PTPRR: variants seen among roughly 807,000 people sequenced by gnomAD.
The protein encoded by PTPRR is protein tyrosine phosphatase receptor type R.
A neutral mutation model predicts 77.2 loss-of-function variants in PTPRR; 38 were observed. That is an observed-to-expected ratio of 0.49 (90% CI 0.38 to 0.65). The LOEUF is 0.65. PTPRR is among the 30% of genes least tolerant of loss of function. The pLI is 0.00. For missense variants in PTPRR, 744 were observed against 799.2 expected (o/e 0.93, Z 0.83); for synonymous variants, 299 against 283.1 (o/e 1.06, Z -0.57).
At chr12:70,800,416 A>G (rs1022011132) in intron 2 of PTPRR, among the ~76,000 whole-genome samples, 1 of 152,184 alleles carries the variant, frequency 6.6e-6, no homozygotes, top group Admixed American at 6.5e-5. Context: ...TAAGAGGAGC[A>G]ATAAGCAGAA....
intron 2 of PTPRR, among the ~76,000 whole-genome samples, chr12:70,824,950 CA>C (rs1892083290): frequency 6.6e-6 from 1 of 152,160 alleles, no homozygotes; most frequent in South Asian, 2.1e-4. Flanking sequence ...GCTAGGTAGG[CA>C]ATATCGTTGC....
chr12:70,752,301 T>C (rs901670684), intron 5 of PTPRR, among the ~76,000 whole-genome samples: 3 of 152,154 alleles, frequency 2.0e-5, no homozygotes, highest in African/African-American at 7.2e-5. Context: ...CAATCACCTA[T>C]ACTTCTGAAA....
chr12:70,913,098 G>A (rs1306005872), intron 1 of PTPRR, among the ~76,000 whole-genome samples: 1 of 152,038 alleles, frequency 6.6e-6, no homozygotes, highest in Non-Finnish European at 1.5e-5. Flanking sequence ...AATACTAATG[G>A]CAATGAATGG....
chr12:70,670,250 G>T (rs1397860820), intron 10 of PTPRR, among the ~76,000 whole-genome samples: 1 of 152,158 alleles, frequency 6.6e-6, no homozygotes, highest in Non-Finnish European at 1.5e-5. Flanking sequence ...TGAAAGATAG[G>T]TTCAGGGTCT....
intron 7 of PTPRR, among the ~76,000 whole-genome samples, chr12:70,699,116 A>G (rs893550634): frequency 6.6e-6 from 1 of 152,236 alleles, no homozygotes; most frequent in African/African-American, 2.4e-5. Context: ...CAAAGTTTTC[A>G]AAAGGGTCCA....
intron 2 of PTPRR, among the ~76,000 whole-genome samples, chr12:70,766,754 C>T (rs1156684298): frequency 2.0e-5 from 3 of 151,958 alleles, no homozygotes; most frequent in Admixed American, 6.6e-5. Context: ...ATGTTAAGGG[C>T]AGCCAGAGAG....
At chr12:70,830,145 C>T (rs1892186599) in intron 2 of PTPRR, among the ~76,000 whole-genome samples, 1 of 152,086 alleles carries the variant, frequency 6.6e-6, no homozygotes, top group Non-Finnish European at 1.5e-5. Context: ...AGTATTAGGG[C>T]CTGGGGTAGA....
At chr12:70,879,010 C>A (rs1246153593) in intron 2 of PTPRR, among the ~76,000 whole-genome samples, 1 of 152,024 alleles carries the variant, frequency 6.6e-6, no homozygotes, top group East Asian at 1.9e-4. Flanking sequence ...GAACAAAAAA[C>A]CAAACACCAC....
chr12:70,742,340 T>G (rs1277708267), intron 6 of PTPRR, among the ~76,000 whole-genome samples: 1 of 152,186 alleles, frequency 6.6e-6, no homozygotes, highest in Non-Finnish European at 1.5e-5. Context: ...ATTTCTTGTT[T>G]TTTTGATTTG....
At chr12:70,855,033 G>A (rs1892629987) in intron 2 of PTPRR, among the ~76,000 whole-genome samples, 1 of 152,148 alleles carries the variant, frequency 6.6e-6, no homozygotes, top group African/African-American at 2.4e-5. Context: ...AGAGTGCATA[G>A]TTTGCCTAAA....
At chr12:70,814,636 C>T (rs565483686) in intron 2 of PTPRR, among the ~76,000 whole-genome samples, 25 of 152,188 alleles carry the variant, frequency 1.6e-4, no homozygotes, top group African/African-American at 5.3e-4. Flanking sequence ...GGGGCCGGCC[C>T]GGCTTTGGCT....
intron 2 of PTPRR, among the ~76,000 whole-genome samples, chr12:70,853,064 A>T (rs1293580718): frequency 6.6e-6 from 1 of 152,190 alleles, no homozygotes; most frequent in Non-Finnish European, 1.5e-5. Context: ...TCCTCACTAC[A>T]ATCCTCTGAG....
At chr12:70,915,895 A>G (rs2137141074) in intron 1 of PTPRR, among the ~76,000 whole-genome samples, 1 of 152,314 alleles carries the variant, frequency 6.6e-6, no homozygotes, top group East Asian at 1.9e-4. Context: ...TATTTATTTA[A>G]CTTATTTATT....
chr12:70,669,505 C>CTA (rs34973092), intron 10 of PTPRR, among the ~76,000 whole-genome samples: 46,282 of 141,684 alleles, frequency 0.33, 9,303 homozygotes, highest in African/African-American at 0.57. Context: ...TATATACGAG[C>CTA]TATATATATA....
intron 10 of PTPRR, among the ~76,000 whole-genome samples, chr12:70,681,595 T>C (rs1403758757): frequency 6.6e-6 from 1 of 152,192 alleles, no homozygotes; most frequent in Non-Finnish European, 1.5e-5. Flanking sequence ...ACTAAAGGTC[T>C]CCTTGTCTCA....
intron 10 of PTPRR, among the ~76,000 whole-genome samples, chr12:70,665,120 T>C (rs899950496): frequency 9.2e-5 from 14 of 152,178 alleles, no homozygotes; most frequent in Admixed American, 2.0e-4. Context: ...GCATGCTATT[T>C]AGCAGAATAT....
chr12:70,757,863 T>C lies in PTPRR; in HGVS notation c.628-3562A>G, dbSNP rs979268522. ...TTGAGGTATAAGTTGTTATAAAAGA[T>C]TAACCACAGAAAAAATGAATAAAGT... On this transcript the variant is annotated intron_variant, in intron 4 of 13. Coordinates refer to ENST00000283228, the MANE Select transcript of PTPRR (RefSeq NM_002849.4). Among the ~76,000 whole-genome samples, 6 of 152,192 alleles carry C rather than the reference T, an allele frequency of 3.9e-5. No individual in the cohort carries two copies. In the South Asian group the frequency reaches 1.0e-3, roughly 26 times the overall value.
chr12:70,811,998 G>T (rs1177637843), intron 2 of PTPRR, among the ~76,000 whole-genome samples: 1 of 152,106 alleles, frequency 6.6e-6, no homozygotes, highest in East Asian at 1.9e-4. Flanking sequence ...TAGCTTTTCA[G>T]CTCACTTTAA....
At chr12:70,907,558 A>C (rs1015876561) in intron 1 of PTPRR, among the ~76,000 whole-genome samples, 2 of 152,180 alleles carry the variant, frequency 1.3e-5, no homozygotes, top group Admixed American at 6.5e-5. Context: ...AAAGGGGTTC[A>C]TGTTTCCTGA....
Sources: gnomAD v4.1 joint callset for allele counts (sites outside exome capture counted in the v4.1 genomes callset) on GRCh38, gnomAD v4.1.1 for gene constraint, MANE v1.5 for transcripts, NCBI Gene and HGNC (gene_info 2026-07-23, HGNC 2026-07-21) for gene names.